The following TRAK2 variants were observed in gnomAD, a reference collection of about 807,000 sequenced individuals.
TRAK2 encodes trafficking kinesin protein 2, also known as trafficking kinesin-binding protein 2.
In TRAK2, 81 loss-of-function variants were observed where a neutral mutation model predicts 104.6. That is an observed-to-expected ratio of 0.77 (90% confidence interval 0.65 to 0.93). The LOEUF is 0.93. TRAK2 is among the 40% of genes least tolerant of loss of function. The pLI, the probability that TRAK2 is intolerant of heterozygous loss-of-function variation, is 0.00. For synonymous variants in TRAK2, 406 were observed against 394.4 expected (o/e 1.03, Z -0.35); for missense variants, 1,002 against 1,089.0 (o/e 0.92, Z 1.12).
At chr2:201,432,100 C>T (rs73988786) in intron 1 of TRAK2, among the ~76,000 whole-genome samples, 4 of 152,304 alleles carry the variant, frequency 2.6e-5, no homozygotes, top group African/African-American at 9.6e-5. Flanking sequence ...TTGTACCTTA[C>T]ACAATGTTGG....
At chr2:201,387,622 T>C (rs1334346551) in intron 13 of TRAK2, 81 bp downstream of exon 13, 1 of 1,391,650 alleles carries the variant, frequency 7.2e-7, no homozygotes, top group African/African-American at 1.4e-5. Flanking sequence ...GTTCCTATAA[T>C]TAAGACACAA....
At chr2:201,431,455 G>A (rs1343390885) in intron 1 of TRAK2, among the ~76,000 whole-genome samples, 1 of 152,178 alleles carries the variant, frequency 6.6e-6, no homozygotes, top group East Asian at 1.9e-4. Context: ...AGCTTTTAGA[G>A]TTGTATTACT....
intron 2 of TRAK2, chr2:201,411,136 G>A (rs1951643028): frequency 1.2e-6 from 1 of 832,194 alleles, no homozygotes; most frequent in African/African-American, 1.7e-5. Flanking sequence ...CTAACAGAAA[G>A]GCTAGTCAAA....
At chr2:201,420,316 A>G (rs765494122) in intron 2 of TRAK2, 101 bp downstream of exon 2, 3 of 920,286 alleles carry the variant, frequency 3.3e-6, no homozygotes, top group Non-Finnish European at 5.2e-6. Flanking sequence ...CTAGAAAGGG[A>G]GGCTTGGGTT....
At chr2:201,403,858 G>A (rs1169593925) in intron 3 of TRAK2, among the ~76,000 whole-genome samples, 1 of 152,030 alleles carries the variant, frequency 6.6e-6, no homozygotes, top group Non-Finnish European at 1.5e-5. Context: ...GTTAGATAGT[G>A]CAATCAGAAT....
At chr2:201,382,002 G>C (rs1423779186) in intron 15 of TRAK2, among the ~76,000 whole-genome samples, 1 of 152,164 alleles carries the variant, frequency 6.6e-6, no homozygotes, top group Non-Finnish European at 1.5e-5. Context: ...AGCTTGTGCA[G>C]AGGACTGGCC....
chr2:201,412,543 T>C (rs906631878), intron 2 of TRAK2: 45 of 1,226,100 alleles, frequency 3.7e-5, no homozygotes, highest in Admixed American at 2.2e-4. Context: ...AAATACAGCA[T>C]ACATAACAGT....
chr2:201,406,778 T>C (rs1249698889), intron 3 of TRAK2, among the ~76,000 whole-genome samples: 1 of 152,180 alleles, frequency 6.6e-6, no homozygotes, highest in Non-Finnish European at 1.5e-5. Flanking sequence ...TGGGATCAAA[T>C]GCAAAAAGGT....
At chr2:201,416,891 G>A (rs973680958) in intron 2 of TRAK2, among the ~76,000 whole-genome samples, 2 of 151,618 alleles carry the variant, frequency 1.3e-5, no homozygotes, top group Admixed American at 6.6e-5. Flanking sequence ...GAAAAAAACG[G>A]AAGACGGAAC....
chr2:201,380,579 T>G lies in TRAK2; in HGVS notation c.2709A>C (p.Thr903=). 6.2e-7 allele frequency: 1 copy of G among 1,613,954 alleles called. No individual in the cohort carries two copies. The highest frequency in any genetic ancestry group is 8.5e-7 in the Non-Finnish European group (1 of 1,179,930). ...TCAGGACACCCATTTTGGGTGAGGA[T>G]GTGCAAACTGGGGCAGCAAAGCTAC... ...IMGSFAAPVC[T]SSPKMGVLKE... is the part of the protein sequence containing the mutation. Residue 903 remains threonine (T), a synonymous_variant, in exon 16 of 16, where the codon ACA becomes ACC. Transcript: ENST00000332624.
At chr2:201,413,465 T>C (rs939552727) in intron 2 of TRAK2, among the ~76,000 whole-genome samples, 6 of 151,580 alleles carry the variant, frequency 4.0e-5, no homozygotes, top group African/African-American at 7.3e-5. Context: ...AGGGGAGGGA[T>C]TGGGGACGAA....
intron 2 of TRAK2, chr2:201,412,837 A>G: frequency 1.2e-6 from 1 of 861,798 alleles, no homozygotes; most frequent in Non-Finnish European, 2.0e-6. Context: ...AGAAACCTGA[A>G]GCAAACCACA....
At chr2:201,429,728 C>T (rs1433976174) in intron 1 of TRAK2, among the ~76,000 whole-genome samples, 1 of 152,160 alleles carries the variant, frequency 6.6e-6, no homozygotes, top group East Asian at 1.9e-4. Flanking sequence ...CATTTGAGGT[C>T]TTCTCTATGC....
intron 2 of TRAK2, chr2:201,410,661 T>C: frequency 3.1e-6 from 4 of 1,306,634 alleles, no homozygotes; most frequent in South Asian, 1.2e-5. Context: ...CAAAGGCAGA[T>C]TGTCCTATCA....
At chr2:201,401,164 T>A in intron 3 of TRAK2, 70 bp from the exon 4 acceptor site, 2 of 1,063,578 alleles carry the variant, frequency 1.9e-6, no homozygotes, top group Admixed American at 2.2e-5. Flanking sequence ...TAATAAGAAT[T>A]GAGAGATAAC....
At chr2:201,413,059 A>G (rs749459502) in intron 2 of TRAK2, 9 of 823,590 alleles carry the variant, frequency 1.1e-5, no homozygotes, top group East Asian at 4.8e-5. Context: ...CTCATTTTAG[A>G]GAATCAATTA....
chr2:201,451,392 A>C lies in TRAK2; in HGVS notation c.-242T>G, dbSNP rs1952035240. On this transcript the variant is annotated 5_prime_UTR_variant, in exon 1 of 16. Coordinates refer to ENST00000332624, the MANE Select transcript of TRAK2 (RefSeq NM_015049.3). ...CTCTGTCGTCCGCCCGCGCTTCCTCAGGAAGCCCCTAATGCAGCGGCAGCC... is the reference window on the plus strand; with the variant it reads ...CTCTGTCGTCCGCCCGCGCTTCCTCCGGAAGCCCCTAATGCAGCGGCAGCC... 1 of 152,152 alleles carries C rather than the reference A, an allele frequency of 6.6e-6. No homozygotes were observed. The allele number at this position is 152,152 out of a possible 1,614,324, so 9.4% of individuals were successfully genotyped here. A position where few individuals can be genotyped will look rare whatever the true frequency, so the allele number is the denominator to read the frequency against.
Position 201,380,467 on chromosome 2 carries a change from G to T in TRAK2, c.*76C>A. 1 of 1,422,286 alleles carries T rather than the reference G, an allele frequency of 7.0e-7. No individual in the cohort carries two copies. Among genetic ancestry groups the T allele is most frequent in the South Asian group, 1.3e-5 (1 of 76,232 alleles). The allele number at this position is 1,422,286 out of a possible 1,614,324, so 88.1% of individuals were successfully genotyped here. A position where few individuals can be genotyped will look rare whatever the true frequency, so the allele number is the denominator to read the frequency against. ...GCAACATTCCTTTTCTCTCAAGTCA[G>T]ACCAGACCACATGTTTCAGTGCATA... On this transcript the variant is annotated 3_prime_UTR_variant, in exon 16 of 16. Coordinates refer to ENST00000332624, the MANE Select transcript of TRAK2 (RefSeq NM_015049.3).
At chr2:201,412,780 T>G in intron 2 of TRAK2, 1 of 1,191,170 alleles carries the variant, frequency 8.4e-7, no homozygotes, top group South Asian at 1.2e-5. Context: ...AGGAGTAATA[T>G]TTCCATGTAC....
Sources: gnomAD v4.1 joint callset for allele counts (sites outside exome capture counted in the v4.1 genomes callset) on GRCh38, gnomAD v4.1.1 for gene constraint, MANE v1.5 for transcripts, NCBI Gene and HGNC (gene_info 2026-07-23, HGNC 2026-07-21) for gene names.